Variants in JAM3 observed in about 807,000 individuals in gnomAD.
JAM3 encodes the protein junctional adhesion molecule C.
JAM3 carries 31 observed loss-of-function variants against 39.4 expected under a neutral mutation model. The observed-to-expected ratio is 0.79, with a 90% CI of 0.59 to 1.06. The LOEUF is 1.06. Among genes scored for constraint, JAM3 ranks in the 50% least tolerant of loss-of-function variants. The probability of loss-of-function intolerance (pLI) is 0.00; values close to 1 mark genes in which losing one functional copy is unlikely to be tolerated. For synonymous variants in JAM3, 182 were observed against 148.7 expected (o/e 1.22, Z -1.63); for missense variants, 455 against 391.4 (o/e 1.16, Z -1.37).
At chr11:134,146,157 C>T (rs1286959177) in intron 6 of JAM3, 112 bp downstream of exon 6, 12 of 791,132 alleles carry the variant, frequency 1.5e-5, no homozygotes, top group Non-Finnish European at 2.6e-5. Context: ...GGTTAGCTTT[C>T]TTCTGGAGCT....
chr11:134,124,025 A>G (rs976250699), intron 1 of JAM3: 6 of 1,455,864 alleles, frequency 4.1e-6, no homozygotes, highest in Admixed American at 3.4e-5. Flanking sequence ...ATCCCGCAAC[A>G]CAAGGCACTG....
chr11:134,128,227 G>A (rs546005307), intron 1 of JAM3, among the ~76,000 whole-genome samples: 18 of 151,040 alleles, frequency 1.2e-4, no homozygotes, highest in African/African-American at 4.4e-4. Context: ...CATTCCATGT[G>A]GTTTTAGAAA....
In JAM3 at chr11:134,151,371, A is replaced by C. The variant is rs1565509827; in HGVS notation, c.*2190A>C. ...TTCCCTCCATCATTGCCACCTTGGTAGAGAGGGATGGCTCCCCACCCTCAG... is the reference window on the plus strand; with the variant it reads ...TTCCCTCCATCATTGCCACCTTGGTCGAGAGGGATGGCTCCCCACCCTCAG... On this transcript the variant is annotated 3_prime_UTR_variant, in exon 9 of 9. Coordinates refer to ENST00000299106, the MANE Select transcript of JAM3 (RefSeq NM_032801.5). 1 of 152,172 alleles carries C rather than the reference A, an allele frequency of 6.6e-6. No individual in the cohort carries two copies. The highest frequency in any genetic ancestry group is 1.5e-5 in the Non-Finnish European group (1 of 68,046). The allele number at this position is 152,172 out of a possible 1,614,324, so 9.4% of individuals were successfully genotyped here. A position where few individuals can be genotyped will look rare whatever the true frequency, so the allele number is the denominator to read the frequency against.
chr11:134,118,979 T>G (rs1942486914), intron 1 of JAM3, among the ~76,000 whole-genome samples: 1 of 151,924 alleles, frequency 6.6e-6, no homozygotes, highest in Admixed American at 6.6e-5. Context: ...CTTTTTTTTT[T>G]TTTTTTGATA....
intron 1 of JAM3, among the ~76,000 whole-genome samples, chr11:134,117,254 G>C (rs1257319766): frequency 1.3e-5 from 2 of 152,120 alleles, no homozygotes; most frequent in Admixed American, 1.3e-4. Context: ...GTGGGCACCT[G>C]TAATCCCAGC....
At chr11:134,135,363 C>T (rs181950087) in intron 1 of JAM3, among the ~76,000 whole-genome samples, 30 of 152,192 alleles carry the variant, frequency 2.0e-4, no homozygotes, top group African/African-American at 6.7e-4. Flanking sequence ...TGTTCTATAC[C>T]TTTGATCTGT....
rs184462374 is a variant in JAM3 at position 134,125,197 on chromosome 11, G to C, written c.77-14654G>C. 7.3e-3 allele frequency among the ~76,000 whole-genome samples: 1,119 copies of C among 152,350 alleles called. 3 individuals are homozygous for C. Among genetic ancestry groups the C allele is most frequent in the Non-Finnish European group, 1.0e-2 (680 of 68,032 alleles). Reference sequence around the variant, plus strand: ...TGCCGCCGCCACCGCCGCTGCACGGGCAGCCAAAAGCAGCTCCCGCCCCCT... The same window carrying C: ...TGCCGCCGCCACCGCCGCTGCACGGCCAGCCAAAAGCAGCTCCCGCCCCCT... On this transcript the variant is annotated intron_variant, in intron 1 of 8. Transcript: ENST00000299106.
In JAM3 at chr11:134,149,299, T is replaced by G. The variant is rs1943146185; in HGVS notation, c.*118T>G. The G allele has an allele frequency of 7.6e-7, 1 of 1,309,332 alleles. No individual in the cohort carries two copies. Among genetic ancestry groups the G allele is most frequent in the Non-Finnish European group, 1.1e-6 (1 of 925,706 alleles). 81.1% of individuals were successfully genotyped at this position (1,309,332 alleles called of 1,614,324 possible). On this transcript the variant is annotated 3_prime_UTR_variant, in exon 9 of 9. Coordinates refer to ENST00000299106, the MANE Select transcript of JAM3 (RefSeq NM_032801.5). ...CAGAGCTAGACACTCATTCAGAAGCTTTTCGTTTTGGCCAAAGTTGACCAC... is the reference window on the plus strand; with the variant it reads ...CAGAGCTAGACACTCATTCAGAAGCGTTTCGTTTTGGCCAAAGTTGACCAC...
At chr11:134,089,675 A>G (rs1467322586) in intron 1 of JAM3, among the ~76,000 whole-genome samples, 2 of 152,164 alleles carry the variant, frequency 1.3e-5, no homozygotes, top group African/African-American at 2.4e-5. Context: ...TCCATGATGT[A>G]TATGTGCCAC....
chr11:134,109,587 G>C (rs1326513943), intron 1 of JAM3, among the ~76,000 whole-genome samples: 2 of 152,296 alleles, frequency 1.3e-5, no homozygotes, highest in Middle Eastern at 3.4e-3. Flanking sequence ...ATTTTGCCAA[G>C]GTTAAGGACA....
chr11:134,089,795 A>G (rs1434346685), intron 1 of JAM3, among the ~76,000 whole-genome samples: 2 of 152,066 alleles, frequency 1.3e-5, no homozygotes, highest in East Asian at 1.9e-4. Flanking sequence ...TTATAGCAGC[A>G]TGATTTATAA....
At chr11:134,146,139 C>A (rs1278495808) in intron 6 of JAM3, 94 bp downstream of exon 6, 1 of 886,142 alleles carries the variant, frequency 1.1e-6, no homozygotes, top group Non-Finnish European at 1.8e-6. Flanking sequence ...GAGAACTCTT[C>A]CGCCATGGGT....
chr11:134,140,598 A>G, intron 2 of JAM3, 59 bp from the exon 3 acceptor site: 1 of 1,375,218 alleles, frequency 7.3e-7, no homozygotes, highest in Non-Finnish European at 1.0e-6. Context: ...GTCTGGGTGC[A>G]GCTGAACGTA....
At chr11:134,133,358 GTTGTC>G (rs1490585103) in intron 1 of JAM3, among the ~76,000 whole-genome samples, 2 of 152,104 alleles carry the variant, frequency 1.3e-5, no homozygotes, top group African/African-American at 4.8e-5. Context: ...AGTGGGCATC[GTTGTC>G]TTGTTCCTGA....
intron 1 of JAM3, among the ~76,000 whole-genome samples, chr11:134,100,098 G>C (rs1442571956): frequency 6.6e-6 from 1 of 152,002 alleles, no homozygotes; most frequent in African/African-American, 2.4e-5. Flanking sequence ...CTTTAATTAA[G>C]ATGTTAAATT....
chr11:134,114,988 T>G (rs533787826), intron 1 of JAM3, among the ~76,000 whole-genome samples: 4 of 152,344 alleles, frequency 2.6e-5, no homozygotes, highest in Admixed American at 2.0e-4. Flanking sequence ...TCCTTGCAGT[T>G]CTTTTCAGTT....
At chr11:134,109,110 CCA>C (rs1347223756) in intron 1 of JAM3, among the ~76,000 whole-genome samples, 1 of 152,110 alleles carries the variant, frequency 6.6e-6, no homozygotes, top group Non-Finnish European at 1.5e-5. Flanking sequence ...GCACGAGCCA[CCA>C]CACCACCCCC....
intron 1 of JAM3, among the ~76,000 whole-genome samples, chr11:134,119,223 G>A (rs1019069048): frequency 3.3e-5 from 5 of 152,114 alleles, no homozygotes; most frequent in African/African-American, 9.7e-5. Flanking sequence ...AGCACGACTG[G>A]CAAGAAGTCT....
intron 1 of JAM3, among the ~76,000 whole-genome samples, chr11:134,133,186 T>C (rs1942799781): frequency 6.6e-6 from 1 of 151,412 alleles, no homozygotes; most frequent in Non-Finnish European, 1.5e-5. Context: ...CTAATATTTT[T>C]GGTGTGTGGA....
Sources: gnomAD v4.1 joint callset for allele counts (sites outside exome capture counted in the v4.1 genomes callset) on GRCh38, gnomAD v4.1.1 for gene constraint, MANE v1.5 for transcripts, NCBI Gene and HGNC (gene_info 2026-07-23, HGNC 2026-07-21) for gene names.